The following EIF4G2 variants were observed in gnomAD, a reference collection of about 807,000 sequenced individuals.
The protein encoded by EIF4G2 is DAP-5.
A neutral mutation model predicts 117.7 loss-of-function variants in EIF4G2; 8 were observed. The observed-to-expected ratio is 0.07, with a 90% confidence interval of 0.04 to 0.12. The LOEUF is 0.12. EIF4G2 is among the 10% of genes least tolerant of loss of function. The pLI, the probability that EIF4G2 is intolerant of heterozygous loss-of-function variation, is 1.00. For missense variants in EIF4G2, 812 were observed against 1,086.2 expected (o/e 0.75, Z 3.55); for synonymous variants, 413 against 367.8 (o/e 1.12, Z -1.41).
chr11:10,805,267 C>T (rs1847532385), intron 4 of EIF4G2, among the ~76,000 whole-genome samples: 1 of 152,162 alleles, frequency 6.6e-6, no homozygotes, highest in African/African-American at 2.4e-5. Context: ...GGTTAGAGCG[C>T]AAAGATCTCA....
chr11:10,798,885 C>T (rs967748479), intron 21 of EIF4G2, 107 bp downstream of exon 21: 1 of 1,332,878 alleles, frequency 7.5e-7, no homozygotes, highest in African/African-American at 1.5e-5. Flanking sequence ...AGACAAACTA[C>T]TAACTAGGAC....
chr11:10,806,336 T>C (rs556761535), intron 3 of EIF4G2: 2 of 428,848 alleles, frequency 4.7e-6, no homozygotes, highest in African/African-American at 2.0e-5. Flanking sequence ...TGGAACCACA[T>C]TTTGAAAATT....
rs375437541 is a variant in EIF4G2 at position 10,799,129 on chromosome 11, A to G, written c.2537-16T>C. ...AGTAACATGCCTTAAAAAAAAAAAA[A>G]AAAAGAAAAAAGTAATAAGCCCATT... On this transcript the variant is annotated splice_polypyrimidine_tract_variant and intron_variant, in intron 20 of 21. Transcript: ENST00000339995. The G allele has an allele frequency of 7.6e-6, 12 of 1,576,862 alleles. No individual in the cohort carries two copies. In the African/African-American group the frequency reaches 8.3e-5, roughly 11 times the overall value.
At chr11:10,807,485 G>C in intron 1 of EIF4G2, 104 bp from the exon 2 acceptor site, 1 of 1,390,074 alleles carries the variant, frequency 7.2e-7, no homozygotes, top group Non-Finnish European at 9.3e-7. Flanking sequence ...TCACTGCATT[G>C]CAGATCTGTA....
chr11:10,807,141 T>G (rs1465811168), intron 2 of EIF4G2, 114 bp downstream of exon 2: 1 of 1,466,200 alleles, frequency 6.8e-7, no homozygotes, highest in East Asian at 2.3e-5. Flanking sequence ...AATGAAAACT[T>G]AAGAACTTTT....
Position 10,805,800 on chromosome 11 carries a change from A to T in EIF4G2, c.248+107T>A. ...TGCTACCATGAGGATTCATTAAAAC[A>T]TACATACTCTGGGCATGAACCTTGC... On this transcript the variant is annotated intron_variant, in intron 4 of 21. Coordinates refer to ENST00000339995, the MANE Select transcript of EIF4G2 (RefSeq NM_001418.4). 2.0e-6 allele frequency: 3 copies of T among 1,509,944 alleles called. No individual in the cohort carries two copies. In the South Asian group the frequency reaches 3.4e-5, roughly 17 times the overall value. 93.5% of individuals were successfully genotyped at this position (1,509,944 alleles called of 1,614,324 possible). A position where few individuals can be genotyped will look rare whatever the true frequency, so the allele number is the denominator to read the frequency against.
chr11:10,800,775 T>C lies in EIF4G2; in HGVS notation c.1600A>G (p.Ser534Gly), dbSNP rs1489617802. 6.2e-7 allele frequency: 1 copy of C among 1,614,252 alleles called. No homozygotes were observed. Among genetic ancestry groups the C allele is most frequent in the Non-Finnish European group, 8.5e-7 (1 of 1,180,036 alleles). Residue 534 changes from serine (S) to glycine (G), a missense_variant, in exon 16 of 22, where the codon AGC becomes GGC. By Grantham distance (56) the Ser-to-Gly change is moderately conservative (BLOSUM62 0). Coordinates refer to ENST00000339995, the MANE Select transcript of EIF4G2 (RefSeq NM_001418.4). ...TCCTTTGACGGTGGTGGCTTTTTGC[T>C]GGTCTTGGCAGGCTTTTCCTGGATA...
rs529518715 is a variant in EIF4G2, at chr11:10,797,195, A to G, written c.*621T>C. 6.5e-6 allele frequency: 1 copy of G among 152,688 alleles called. No homozygotes were observed. Among genetic ancestry groups the G allele is most frequent in the Non-Finnish European group, 1.5e-5 (1 of 68,076 alleles). The allele number at this position is 152,688 out of a possible 1,614,324, so 9.5% of individuals were successfully genotyped here. A position where few individuals can be genotyped will look rare whatever the true frequency, so the allele number is the denominator to read the frequency against. On this transcript the variant is annotated 3_prime_UTR_variant, in exon 22 of 22. Transcript: ENST00000339995. The surrounding 1 kb of genome is among the most constrained non-coding windows in gnomAD (Gnocchi z 4.5). Reference sequence around the variant, plus strand: ...TCTCACCATTTGTTTCACACCCACAAAAACCACTTCAAGGGCATTAACGAT... The same window carrying G: ...TCTCACCATTTGTTTCACACCCACAGAAACCACTTCAAGGGCATTAACGAT...
intron 15 of EIF4G2, 62 bp downstream of exon 15, chr11:10,800,900 A>C: frequency 6.2e-7 from 1 of 1,611,890 alleles, no homozygotes; most frequent in Non-Finnish European, 8.5e-7. Context: ...GGAAGAACAC[A>C]CTAAATTTAG....
At position 10,803,105 on chromosome 11, in the gene EIF4G2, G is replaced by C. The variant is rs947612569; in HGVS notation, c.921C>G (p.His307Gln). The stretch of plus-strand genomic sequence containing the variant: ...GAAAAGCCTTGCGAGGAACCCAATG[G>C]TGTTCTCGCAACTCTACGGTATCCT... Residue 307 changes from histidine to glutamine, a missense_variant, in exon 11 of 22, where the codon CAC becomes CAG. By Grantham distance (24) the His-to-Gln change is conservative. Coordinates refer to ENST00000339995, the MANE Select transcript of EIF4G2 (RefSeq NM_001418.4). This position sits in a 1 kb window ranked among gnomAD's most constrained non-coding sequence, Gnocchi z 4.0. The C allele has an allele frequency of 2.3e-5, 37 of 1,610,626 alleles. No individual in the cohort carries two copies. The highest frequency in any genetic ancestry group is 3.1e-5 in the Non-Finnish European group (37 of 1,178,196).
At chr11:10,805,760 G>A in intron 4 of EIF4G2, 147 bp downstream of exon 4, 1 of 1,249,200 alleles carries the variant, frequency 8.0e-7, no homozygotes, top group Admixed American at 1.9e-5. Flanking sequence ...GCCAGTTCAA[G>A]ATATTTTTAA....
chr11:10,807,583 A>G (rs1286052695), intron 1 of EIF4G2: 1 of 1,217,632 alleles, frequency 8.2e-7, no homozygotes, highest in African/African-American at 1.6e-5. Flanking sequence ...ATGCAAAGAG[A>G]CTTCGTAGAA....
rs771110613 is a variant in EIF4G2, at chr11:10,803,553, A to G, written c.740T>C (p.Met247Thr). The stretch of plus-strand genomic sequence containing the variant: ...ACAGAGGCACTCCAAATCCTCTCCC[A>G]TATCTTTGAGTTGGACTCTCTTCTT... Residue 247 changes from methionine to threonine, a missense_variant, in exon 9 of 22, where the codon ATG becomes ACG. Met to Thr is a moderately conservative substitution (Grantham distance 81). Coordinates refer to ENST00000339995, the MANE Select transcript of EIF4G2 (RefSeq NM_001418.4). The surrounding 1 kb of genome is among the most constrained non-coding windows in gnomAD (Gnocchi z 4.0). 1.4e-5 allele frequency: 23 copies of G among 1,613,942 alleles called. No individual in the cohort carries two copies. Among genetic ancestry groups the G allele is most frequent in the Middle Eastern group, 1.6e-4 (1 of 6,084 alleles).
At chr11:10,808,088 C>T (rs1349120589) in intron 1 of EIF4G2, 2 of 1,062,166 alleles carry the variant, frequency 1.9e-6, no homozygotes, top group Non-Finnish European at 2.3e-6. Flanking sequence ...GCTCTTTGTT[C>T]TCCAAGCAGG....
At chr11:10,808,274 C>G in intron 1 of EIF4G2, 2 of 1,216,502 alleles carry the variant, frequency 1.6e-6, no homozygotes, top group Non-Finnish European at 2.1e-6. Context: ...AGGTCCTACA[C>G]ACCTCCCCGC....
intron 2 of EIF4G2, 183 bp from the exon 3 acceptor site, chr11:10,807,068 C>T (rs1247041934): frequency 8.6e-7 from 1 of 1,157,332 alleles, no homozygotes; most frequent in African/African-American, 1.6e-5. Flanking sequence ...GAACTCGGAC[C>T]CAAAGGAAAG....
intron 11 of EIF4G2, 42 bp from the exon 12 acceptor site, chr11:10,802,477 C>T (rs1291559795): frequency 6.7e-7 from 1 of 1,498,550 alleles, no homozygotes; most frequent in African/African-American, 1.4e-5. Flanking sequence ...TCTCTGGACA[C>T]TATTTCACTT....
At chr11:10,805,723 G>A (rs924965091) in intron 4 of EIF4G2, among the ~76,000 whole-genome samples, 184 bp downstream of exon 4, 1 of 152,054 alleles carries the variant, frequency 6.6e-6, no homozygotes, top group African/African-American at 2.4e-5. Context: ...AAAGTGCTGG[G>A]ATTACAGGCG....
intron 1 of EIF4G2, chr11:10,807,834 G>A: frequency 2.0e-6 from 2 of 985,036 alleles, no homozygotes; most frequent in Non-Finnish European, 2.4e-6. Context: ...CCCGTGGAGA[G>A]CTCGTGGAAA....
Sources: gnomAD v4.1 joint callset for allele counts (sites outside exome capture counted in the v4.1 genomes callset) on GRCh38, gnomAD v4.1.1 for gene constraint, Gnocchi (gnomAD v3.1) non-coding constraint, MANE v1.5 for transcripts, NCBI Gene and HGNC (gene_info 2026-07-23, HGNC 2026-07-21) for gene names.